The following TRAK1 variants were observed in gnomAD, a reference collection of about 807,000 sequenced individuals.
TRAK1 encodes trafficking kinesin-binding protein 1.
TRAK1 carries 33 observed loss-of-function variants against 92.1 expected under a neutral mutation model. That is an observed-to-expected ratio of 0.36 (90% CI 0.27 to 0.48). The LOEUF is 0.48. Among genes scored for constraint, TRAK1 ranks in the 20% least tolerant of loss-of-function variants. TRAK1 has a pLI of 0.99. For missense variants in TRAK1, 1,123 were observed against 1,257.9 expected (o/e 0.89, Z 1.62); for synonymous variants, 521 against 517.3 (o/e 1.01, Z -0.10).
In TRAK1 at chr3:42,116,865, G is replaced by A. The variant is rs535643816; in HGVS notation, c.92-8555G>A. On this transcript the variant is annotated intron_variant, in intron 1 of 15. Transcript: ENST00000327628. ...CTGTATGGTGGCCACTATTTGATGA[G>A]CGAAGGTCCCTTTTCTTGTTCTTTG... Among the ~76,000 whole-genome samples the A allele has an allele frequency of 1.1e-4, 16 of 152,270 alleles. 1 individual carries two copies. In the South Asian group the frequency reaches 3.3e-3, roughly 32 times the overall value.
At chr3:42,199,310 A>G (rs1173112802) in intron 11 of TRAK1, 57 bp downstream of exon 11, 2 of 1,574,932 alleles carry the variant, frequency 1.3e-6, no homozygotes, top group Admixed American at 3.4e-5. Flanking sequence ...GGACCAGTGC[A>G]GTGTTCAAAA....
At chr3:42,149,636 T>G in intron 2 of TRAK1, 3 of 1,535,872 alleles carry the variant, frequency 2.0e-6, no homozygotes, top group Non-Finnish European at 2.6e-6. Flanking sequence ...CCGGGATGTA[T>G]AGGGGTATTG....
At chr3:42,153,382 G>A (rs763750555) in intron 2 of TRAK1, among the ~76,000 whole-genome samples, 1 of 152,040 alleles carries the variant, frequency 6.6e-6, no homozygotes, top group Non-Finnish European at 1.5e-5. Context: ...GGGCGACAGA[G>A]TGAGATCCTG....
chr3:42,067,832 C>G (rs1532495), intron 1 of TRAK1, among the ~76,000 whole-genome samples: 94,909 of 151,816 alleles, frequency 0.63, 30,563 homozygotes, highest in South Asian at 0.81. Context: ...TTGGCAATCA[C>G]CTTTTTCCAT....
intron 13 of TRAK1, among the ~76,000 whole-genome samples, chr3:42,206,805 T>C (rs758135274): frequency 5.3e-5 from 8 of 152,248 alleles, no homozygotes; most frequent in Admixed American, 2.0e-4. Context: ...AGTAATTCCA[T>C]GCATTTCTGT....
intron 1 of TRAK1, among the ~76,000 whole-genome samples, chr3:42,109,911 T>A (rs1340122293): frequency 1.3e-5 from 2 of 151,264 alleles, no homozygotes; most frequent in Admixed American, 6.6e-5. Flanking sequence ...GTGAGAACAC[T>A]TGGACACAGG....
At chr3:42,207,977 A>T (rs1338499988) in intron 13 of TRAK1, among the ~76,000 whole-genome samples, 1 of 152,130 alleles carries the variant, frequency 6.6e-6, no homozygotes, top group Non-Finnish European at 1.5e-5. Context: ...TGCCATTAGC[A>T]CCAGATGCCG....
Position 42,223,657 on chromosome 3 carries a change from A to C in TRAK1, c.2782A>C (p.Met928Leu), listed in dbSNP as rs1226936401. ...RSFPTMVGSS[M>L]QMKAPVTLTS... ...CTTCCCCACCATGGTGGGATCTAGC[A>C]TGCAGATGAAAGCTCCTGTGACTCT... The change falls in exon 16 of 16, where the codon ATG (methionine) becomes CTG (leucine). Residue 928 changes from methionine (M) to leucine (L), a missense_variant. Coordinates refer to ENST00000327628, the MANE Select transcript of TRAK1 (RefSeq NM_001042646.3). The surrounding 1 kb of genome is among the most constrained non-coding windows in gnomAD (Gnocchi z 6.1). 6.2e-7 allele frequency: 1 copy of C among 1,613,988 alleles called. No individual in the cohort carries two copies. Among genetic ancestry groups the C allele is most frequent in the Non-Finnish European group, 8.5e-7 (1 of 1,180,024 alleles).
chr3:42,179,651 G>A (rs984305521), intron 3 of TRAK1, among the ~76,000 whole-genome samples: 9 of 152,180 alleles, frequency 5.9e-5, no homozygotes, highest in Admixed American at 5.2e-4. Flanking sequence ...GTCAGTCAGT[G>A]CAAGAGTTCA....
At chr3:42,146,536 G>C (rs753849738) in intron 2 of TRAK1, among the ~76,000 whole-genome samples, 4 of 152,090 alleles carry the variant, frequency 2.6e-5, no homozygotes, top group Non-Finnish European at 5.9e-5. Flanking sequence ...TGAGGAGTTT[G>C]CATTTCCTGT....
intron 1 of TRAK1, among the ~76,000 whole-genome samples, chr3:42,032,331 A>G (rs1008387826): frequency 2.6e-5 from 4 of 152,352 alleles, no homozygotes; most frequent in South Asian, 2.1e-4. Flanking sequence ...GCTCCTTCCC[A>G]GGCAGTGGCT....
At chr3:42,018,677 GC>G (rs1240329782) in intron 1 of TRAK1, among the ~76,000 whole-genome samples, 3 of 152,046 alleles carry the variant, frequency 2.0e-5, no homozygotes, top group African/African-American at 7.3e-5. Flanking sequence ...AGCACTTATT[GC>G]ATTCCTCCTT....
At chr3:42,090,940 G>A, upstream of TRAK1, 1 of 155,002 alleles carries the variant, frequency 6.5e-6, no homozygotes, top group Non-Finnish European at 1.4e-5. Flanking sequence ...TTATTAGGCA[G>A]TCATTGAAAG....
intron 1 of TRAK1, among the ~76,000 whole-genome samples, chr3:42,069,056 G>A (rs977452119): frequency 6.6e-6 from 1 of 152,050 alleles, no homozygotes; most frequent in East Asian, 2.0e-4. Context: ...AAGTTGTGGA[G>A]GCTAGGCATG....
chr3:42,092,255 TGA>T (rs1165313839), intron 1 of TRAK1, among the ~76,000 whole-genome samples: 9 of 152,168 alleles, frequency 5.9e-5, no homozygotes, highest in Non-Finnish European at 1.2e-4. Context: ...CAGTGGTTGA[TGA>T]CCCATCTGGT....
chr3:42,107,633 G>T (rs1436192517), intron 1 of TRAK1, among the ~76,000 whole-genome samples: 1 of 151,994 alleles, frequency 6.6e-6, no homozygotes, highest in Non-Finnish European at 1.5e-5. Flanking sequence ...AGTGCAAAAA[G>T]ATTATTCTAT....
rs754329134 is a variant in TRAK1, at chr3:42,176,863, A to G, written c.336A>G (p.Ile112Met). 7.4e-6 allele frequency: 12 copies of G among 1,614,154 alleles called. No individual in the cohort carries two copies. The highest frequency in any genetic ancestry group is 9.3e-6 in the Non-Finnish European group (11 of 1,179,984). Reference protein sequence around the residue: ...VGQMTKTYNDIDAVTRLLEEK... With the variant: ...VGQMTKTYNDMDAVTRLLEEK... ...AGATGACTAAGACATATAATGACAT[A>G]GATGCTGTCACTCGGCTTCTTGAGG... Residue 112 changes from isoleucine (I) to methionine (M), a missense_variant, in exon 3 of 16, where the codon ATA becomes ATG. Physicochemically the swap from Ile to Met is conservative, Grantham distance 10 (BLOSUM62 1). Coordinates refer to ENST00000327628, the MANE Select transcript of TRAK1 (RefSeq NM_001042646.3).
rs540457327 is a variant in TRAK1 at position 42,211,905 on chromosome 3, G to A, written c.1963+1920G>A. 5 of 985,408 alleles carry A rather than the reference G, an allele frequency of 5.1e-6. No homozygotes were observed. In the African/African-American group the frequency reaches 8.7e-5, roughly 17 times the overall value. 61.0% of individuals were successfully genotyped at this position (985,408 alleles called of 1,614,324 possible). A position where few individuals can be genotyped will look rare whatever the true frequency, so the allele number is the denominator to read the frequency against. Reference sequence around the variant, plus strand: ...AACTGTAGAAAGGGTCAGGTTGGAGGTGTGTAATAAAAAAGAATTACCTAG... The same window carrying A: ...AACTGTAGAAAGGGTCAGGTTGGAGATGTGTAATAAAAAAGAATTACCTAG... On this transcript the variant is annotated intron_variant, in intron 14 of 15. Transcript: ENST00000327628.
intron 1 of TRAK1, among the ~76,000 whole-genome samples, chr3:42,118,817 A>C (rs936723453): frequency 6.6e-6 from 1 of 152,244 alleles, no homozygotes; most frequent in Non-Finnish European, 1.5e-5. Flanking sequence ...AAGTGATGTC[A>C]TAAGAATGGT....
Sources: gnomAD v4.1 joint callset for allele counts (sites outside exome capture counted in the v4.1 genomes callset) on GRCh38, gnomAD v4.1.1 for gene constraint, Gnocchi (gnomAD v3.1) non-coding constraint, MANE v1.5 for transcripts, NCBI Gene and HGNC (gene_info 2026-07-23, HGNC 2026-07-21) for gene names.